Variants in ARSG observed in about 807,000 individuals in gnomAD.
The protein encoded by ARSG is arylsulfatase G.
A neutral mutation model predicts 50.5 loss-of-function variants in ARSG; 37 were observed. The ratio of observed to expected loss-of-function variants is 0.73; its 90% CI spans 0.56 to 0.96. The LOEUF is 0.96. Among genes scored for constraint, ARSG ranks in the 50% least tolerant of loss-of-function variants. The probability of loss-of-function intolerance (pLI) is 0.00; values close to 1 mark genes in which losing one functional copy is unlikely to be tolerated. For synonymous variants in ARSG, 225 were observed against 254.6 expected (o/e 0.88, Z 1.11); for missense variants, 629 against 675.3 (o/e 0.93, Z 0.76).
chr17:68,443,985 C>T, the ARSG span, among the ~76,000 whole-genome samples: 3 of 152,230 alleles, frequency 2.0e-5, no homozygotes, highest in South Asian at 2.1e-4. Flanking sequence ...TGTTAAATCC[C>T]GAGAATTCAG....
intron 6 of ARSG, among the ~76,000 whole-genome samples, chr17:68,360,955 G>A (rs558184989): frequency 1.3e-5 from 2 of 152,216 alleles, no homozygotes; most frequent in East Asian, 3.9e-4. Flanking sequence ...CTCCCGAGTA[G>A]CTGGGATTAC....
chr17:68,415,569 T>G (rs1211479101), intron 11 of ARSG, among the ~76,000 whole-genome samples: 1 of 152,240 alleles, frequency 6.6e-6, no homozygotes, highest in Non-Finnish European at 1.5e-5. Context: ...ATCCATTGTT[T>G]CTTTGTTGAC....
the ARSG span, among the ~76,000 whole-genome samples, chr17:68,449,354 G>A: frequency 1.3e-5 from 2 of 152,214 alleles, no homozygotes; most frequent in Non-Finnish European, 2.9e-5. Flanking sequence ...ATTTGGCCAA[G>A]CGTGGTGGCT....
intron 5 of ARSG, 36 bp downstream of exon 5, chr17:68,351,722 GA>G: frequency 1.4e-6 from 2 of 1,420,220 alleles, no homozygotes; most frequent in Non-Finnish European, 1.0e-6. Flanking sequence ...TAGGCTCCAG[GA>G]CAAGGCAAAG....
intron 11 of ARSG, among the ~76,000 whole-genome samples, chr17:68,405,575 G>A (rs1455076990): frequency 6.6e-6 from 1 of 152,086 alleles, no homozygotes; most frequent in East Asian, 1.9e-4. Context: ...CTGTTTTTAT[G>A]TGGAATATTT....
Position 68,347,189 on chromosome 17 carries a change from G to A in ARSG, c.454+17G>A, listed in dbSNP as rs1198036503. The A allele has an allele frequency of 6.2e-6, 10 of 1,612,170 alleles. No individual in the cohort carries two copies. Among genetic ancestry groups the A allele is most frequent in the Non-Finnish European group, 7.6e-6 (9 of 1,178,518 alleles). ...ACTTCCGTGGTAAGAATTCTTTTGG[G>A]GATTTGTTACCTGGGAAACAGAAAA... On this transcript the variant is annotated intron_variant, in intron 4 of 11. Coordinates refer to ENST00000621439, the MANE Select transcript of ARSG (RefSeq NM_001267727.2).
chr17:68,375,983 A>AC (rs1376262515), intron 8 of ARSG, among the ~76,000 whole-genome samples: 1 of 152,202 alleles, frequency 6.6e-6, no homozygotes, highest in East Asian at 1.9e-4. Flanking sequence ...ATCACATAAA[A>AC]TTAACATTTT....
chr17:68,322,587 A>G (rs2077333417), intron 2 of ARSG, among the ~76,000 whole-genome samples: 1 of 152,190 alleles, frequency 6.6e-6, no homozygotes, highest in Non-Finnish European at 1.5e-5. Context: ...ACTGCACTCC[A>G]GCCTGGCGAT....
chr17:68,320,149 C>T (rs906049985), intron 2 of ARSG, among the ~76,000 whole-genome samples: 2 of 152,080 alleles, frequency 1.3e-5, no homozygotes, highest in South Asian at 2.1e-4. Flanking sequence ...ATTAGTCGGG[C>T]GTGATGGCGT....
At chr17:68,342,864 A>G (rs139709085) in intron 2 of ARSG, among the ~76,000 whole-genome samples, 17 of 152,330 alleles carry the variant, frequency 1.1e-4, no homozygotes, top group African/African-American at 3.4e-4. Context: ...CAGAAGGGAG[A>G]GGGTCACCTC....
intron 9 of ARSG, among the ~76,000 whole-genome samples, chr17:68,391,298 A>G (rs2080980823): frequency 6.6e-6 from 1 of 152,112 alleles, no homozygotes; most frequent in African/African-American, 2.4e-5. Context: ...TACTTAAGGA[A>G]GGACTATTTG....
Position 68,420,557 on chromosome 17 carries a change from T to C in ARSG, c.*94T>C. The stretch of plus-strand genomic sequence containing the variant: ...TTACCCTCTTTACAAACACACGCTT[T>C]AGTTTAGTCTTGGAGTTTAGTTTTG... On this transcript the variant is annotated 3_prime_UTR_variant, in exon 12 of 12. Transcript: ENST00000621439. The C allele has an allele frequency of 3.6e-6, 5 of 1,401,990 alleles. No homozygotes were observed. Among genetic ancestry groups the C allele is most frequent in the Non-Finnish European group, 4.9e-6 (5 of 1,014,294 alleles). 86.8% of individuals were successfully genotyped at this position (1,401,990 alleles called of 1,614,324 possible).
chr17:68,450,791 T>A, the ARSG span: 2 of 1,614,036 alleles, frequency 1.2e-6, no homozygotes, highest in Non-Finnish European at 1.7e-6. Flanking sequence ...TCTCTGTGCC[T>A]TTCTTGAAGT....
chr17:68,299,685 A>T lies in ARSG; in HGVS notation c.-551-7258A>T, dbSNP rs558730836. 2.6e-5 allele frequency among the ~76,000 whole-genome samples: 4 copies of T among 152,338 alleles called. No homozygotes were observed. In the East Asian group the frequency reaches 7.7e-4, roughly 29 times the overall value. On this transcript the variant is annotated intron_variant, in intron 1 of 11. Transcript: ENST00000621439. ...AAGAGGGGAGCCATAAATGAAAAGAAAAGAGACACGTGAACCAAGTGCAGT... is the reference window on the plus strand; with the variant it reads ...AAGAGGGGAGCCATAAATGAAAAGATAAGAGACACGTGAACCAAGTGCAGT...
the ARSG span, chr17:68,433,598 G>T: frequency 1.9e-6 from 3 of 1,595,760 alleles, no homozygotes; most frequent in East Asian, 6.7e-5. Flanking sequence ...CAACACATGG[G>T]TCAGTGAGCA....
chr17:68,309,405 C>CA (rs1555765819), intron 2 of ARSG, among the ~76,000 whole-genome samples: 4 of 152,228 alleles, frequency 2.6e-5, no homozygotes, highest in African/African-American at 9.6e-5. Context: ...AAAGTGGGAG[C>CA]CCAGGCAGAG....
the ARSG span, chr17:68,435,556 C>A: frequency 5.3e-6 from 8 of 1,502,316 alleles, no homozygotes; most frequent in Non-Finnish European, 7.4e-6. Context: ...TCAATCCCAT[C>A]CCTGCGCACG....
intron 11 of ARSG, among the ~76,000 whole-genome samples, chr17:68,413,103 AG>A (rs1305521423): frequency 1.8e-4 from 27 of 152,052 alleles, no homozygotes; most frequent in African/African-American, 6.5e-4. Flanking sequence ...GATCGTCTGA[AG>A]CCTTCTTCTC....
At chr17:68,280,392 T>C (rs569364559) in intron 1 of ARSG, among the ~76,000 whole-genome samples, 3 of 151,936 alleles carry the variant, frequency 2.0e-5, no homozygotes, top group South Asian at 4.2e-4. Context: ...TCAAAATATA[T>C]GACAACACAA....
Sources: gnomAD v4.1 joint callset for allele counts (sites outside exome capture counted in the v4.1 genomes callset) on GRCh38, gnomAD v4.1.1 for gene constraint, MANE v1.5 for transcripts, NCBI Gene and HGNC (gene_info 2026-07-23, HGNC 2026-07-21) for gene names.